The following TRIM28 variants were observed in gnomAD, a reference collection of about 807,000 sequenced individuals.
TRIM28 encodes transcription intermediary factor 1-beta.
Under a neutral mutation model 87.4 loss-of-function variants are expected in TRIM28, and 8 were observed. That is an observed-to-expected ratio of 0.09 (90% CI 0.05 to 0.17). The LOEUF is 0.17. Ranked by LOEUF, TRIM28 falls within the 10% of genes least tolerant of loss-of-function variation. The pLI, the probability that TRIM28 is intolerant of heterozygous loss-of-function variation, is 1.00. For synonymous variants in TRIM28, 601 were observed against 454.3 expected (o/e 1.32, Z -4.11); for missense variants, 968 against 1,131.8 (o/e 0.86, Z 2.08).
chr19:58,548,810 C>T, intron 10 of TRIM28, 34 bp downstream of exon 10: 7 of 1,613,992 alleles, frequency 4.3e-6, no homozygotes, highest in Non-Finnish European at 5.9e-6. Flanking sequence ...GGGGAAGGGC[C>T]CCAGTGCTGT....
At position 58,547,781 on chromosome 19, in the gene TRIM28, G is replaced by C; in HGVS notation, c.840-11G>C. The C allele has an allele frequency of 6.2e-7, 1 of 1,614,074 alleles. No individual in the cohort carries two copies. Among genetic ancestry groups the C allele is most frequent in the South Asian group, 1.1e-5 (1 of 91,088 alleles). ...AAGACCCTACCTAGCCTGACCTGCTGTGTCCCCTAGAATCCGCCAGGTGTC... is the reference window on the plus strand; with the variant it reads ...AAGACCCTACCTAGCCTGACCTGCTCTGTCCCCTAGAATCCGCCAGGTGTC... On this transcript the variant is annotated splice_polypyrimidine_tract_variant and intron_variant, in intron 5 of 16. Coordinates refer to ENST00000253024, the MANE Select transcript of TRIM28 (RefSeq NM_005762.3).
At position 58,544,971 on chromosome 19, in the gene TRIM28, C is replaced by A. The variant is rs1456074834; in HGVS notation, c.214C>A (p.Leu72Met). ...GCACTGCGGCGTGTGCAGAGAGCGC[C>A]TGCGACCCGAGAGGGAGCCCCGCCT... ...LEHCGVCRER[L>M]RPEREPRLLP... Residue 72 changes from leucine to methionine, a missense_variant, in exon 1 of 17, where the codon CTG becomes ATG. Leu to Met is a conservative substitution (Grantham distance 15). Around this residue, in one of 11 missense-constraint regions of TRIM28, gnomAD observed 208 missense variants for 170.9 expected, o/e 1.22. Coordinates refer to ENST00000253024, the MANE Select transcript of TRIM28 (RefSeq NM_005762.3). 1 of 1,513,964 alleles carries A rather than the reference C, an allele frequency of 6.6e-7. No individual in the cohort carries two copies. Among genetic ancestry groups the A allele is most frequent in the Non-Finnish European group, 8.8e-7 (1 of 1,140,484 alleles). The allele number at this position is 1,513,964 out of a possible 1,614,324, so 93.8% of individuals were successfully genotyped here.
chr19:58,548,948 A>C (rs2053787318), intron 11 of TRIM28, 38 bp downstream of exon 11: 2 of 1,613,822 alleles, frequency 1.2e-6, no homozygotes, highest in Admixed American at 1.7e-5. Flanking sequence ...AGGTGGATGG[A>C]GGGTGGGGGT....
Position 58,549,690 on chromosome 19 carries a change from G to A in TRIM28, c.1982+40G>A. 1 of 1,601,784 alleles carries A rather than the reference G, an allele frequency of 6.2e-7. No homozygotes were observed. Among genetic ancestry groups the A allele is most frequent in the Non-Finnish European group, 8.5e-7 (1 of 1,171,204 alleles). ...GGTGGGGGTCAAGTCTGGGTGTTGG[G>A]CTGTCTGGACAGGATCATGTGCAGA... On this transcript the variant is annotated intron_variant, in intron 13 of 16. Transcript: ENST00000253024. The surrounding 1 kb of genome is among the most constrained non-coding windows in gnomAD (Gnocchi z 4.4).
rs944619867 is a variant in TRIM28 at position 58,544,194 on chromosome 19, G to C, written c.-564G>C. The C allele has an allele frequency of 6.6e-6, 1 of 152,340 alleles. No individual in the cohort carries two copies. The highest frequency in any genetic ancestry group is 1.5e-5 in the Non-Finnish European group (1 of 68,092). The allele number at this position is 152,340 out of a possible 1,614,324, so 9.4% of individuals were successfully genotyped here. The stretch of plus-strand genomic sequence containing the variant: ...TGGTCTGGAGGTGGAGCTGAGAGGG[G>C]AATCACACTCTATAAAGGTTCGCAT... On this transcript the variant is annotated 5_prime_UTR_variant, in exon 1 of 17. Transcript: ENST00000253024.
rs1262849994 is a variant in TRIM28, at chr19:58,550,115, T to C, written c.2194-32T>C. On this transcript the variant is annotated intron_variant, in intron 15 of 16. Coordinates refer to ENST00000253024, the MANE Select transcript of TRIM28 (RefSeq NM_005762.3). ...CAACCTGTGCATGTATATGTGTGTC[T>C]TTGTGTGTGTATGTGTGATCTCTGC... is the stretch of plus-strand genomic sequence containing the variant. The C allele has an allele frequency of 6.2e-6, 10 of 1,613,590 alleles. No homozygotes were observed. In the East Asian group the frequency reaches 2.0e-4, roughly 32 times the overall value.
Position 58,547,449 on chromosome 19 carries a change from T to C in TRIM28, c.660T>C (p.Phe220=). The part of the protein sequence containing the change: ...NVHKHEPLVL[F]CESCDTLTCR... ...ACAAGCATGAACCCCTTGTGCTGTTTTGTGAGAGCTGTGATACTCTCACCT... is the reference window on the plus strand; with the variant it reads ...ACAAGCATGAACCCCTTGTGCTGTTCTGTGAGAGCTGTGATACTCTCACCT... Residue 220 remains phenylalanine (F), a synonymous_variant, in exon 4 of 17, where the codon TTT becomes TTC. Transcript: ENST00000253024. 1 of 1,614,052 alleles carries C rather than the reference T, an allele frequency of 6.2e-7. No homozygotes were observed. The highest frequency in any genetic ancestry group is 8.5e-7 in the Non-Finnish European group (1 of 1,180,012).
rs200146188 is a variant in TRIM28 at position 58,549,273 on chromosome 19, A to G, written c.1662+33A>G. 2.1e-5 allele frequency: 34 copies of G among 1,602,220 alleles called. No individual in the cohort carries two copies. The East Asian group carries it at 6.0e-4, about 28-fold the overall frequency. On this transcript the variant is annotated intron_variant, in intron 12 of 16. Coordinates refer to ENST00000253024, the MANE Select transcript of TRIM28 (RefSeq NM_005762.3). This position sits in a 1 kb window ranked among gnomAD's most constrained non-coding sequence, Gnocchi z 4.4. ...TGTCCCAAGGAACTATAGCTGTAGGATGAAGCCTGTAGTCCAGGTCTGGAC... is the reference window on the plus strand; with the variant it reads ...TGTCCCAAGGAACTATAGCTGTAGGGTGAAGCCTGTAGTCCAGGTCTGGAC...
Position 58,544,702 on chromosome 19 carries a change from T to C in TRIM28, c.-56T>C. ...AGTTGGCGGCGAGCGCGTCTGCGCC[T>C]GCGCGGCGGGCCCCGCGCCCCTCCT... On this transcript the variant is annotated 5_prime_UTR_variant, in exon 1 of 17. Coordinates refer to ENST00000253024, the MANE Select transcript of TRIM28 (RefSeq NM_005762.3). 6 of 820,478 alleles carry C rather than the reference T, an allele frequency of 7.3e-6. No individual in the cohort carries two copies. Among genetic ancestry groups the C allele is most frequent in the Non-Finnish European group, 8.9e-6 (6 of 677,940 alleles). 50.8% of individuals were successfully genotyped at this position (820,478 alleles called of 1,614,324 possible).
rs2053773419 is a variant in TRIM28 at position 58,547,677 on chromosome 19, C to T, written c.803C>T (p.Ala268Val). 1 of 1,614,004 alleles carries T rather than the reference C, an allele frequency of 6.2e-7. No homozygotes were observed. Among genetic ancestry groups the T allele is most frequent in the Non-Finnish European group, 8.5e-7 (1 of 1,180,040 alleles). Residue 268 changes from alanine to valine, a missense_variant, in exon 5 of 17, where the codon GCA (alanine) becomes GTA (valine). By Grantham distance (64) the Ala-to-Val change is moderately conservative (BLOSUM62 0). This residue lies in a region of TRIM28 where 103 missense variants were observed against 139.0 expected (regional missense o/e 0.74). Coordinates refer to ENST00000253024, the MANE Select transcript of TRIM28 (RefSeq NM_005762.3). ...SLVKRLGDKH[A>V]TLQKSTKEVR... is the part of the protein sequence containing the mutation. Reference sequence around the variant, plus strand: ...GTGAAGCGCCTTGGGGACAAACATGCAACATTGCAGAAGAGCACCAAGGAG... The same window carrying T: ...GTGAAGCGCCTTGGGGACAAACATGTAACATTGCAGAAGAGCACCAAGGAG...
chr19:58,547,813 A>G lies in TRIM28; in HGVS notation c.861A>G (p.Val287=). The G allele has an allele frequency of 6.2e-7, 1 of 1,614,128 alleles. No homozygotes were observed. The highest frequency in any genetic ancestry group is 8.5e-7 in the Non-Finnish European group (1 of 1,180,034). ...CTAGAATCCGCCAGGTGTCTGACGT[A>G]CAGAAGCGTGTGCAAGTGGATGTCA... ...VRSSIRQVSD[V]QKRVQVDVKM... The change falls in exon 6 of 17, where the codon GTA becomes GTG. Residue 287 remains valine, a synonymous_variant. Transcript: ENST00000253024.
At position 58,544,194 on chromosome 19, in the gene TRIM28, G is replaced by A. The variant is rs944619867; in HGVS notation, c.-564G>A. ...TGGTCTGGAGGTGGAGCTGAGAGGG[G>A]AATCACACTCTATAAAGGTTCGCAT... is the stretch of plus-strand genomic sequence containing the variant. On this transcript the variant is annotated 5_prime_UTR_variant, in exon 1 of 17. Transcript: ENST00000253024. The A allele has an allele frequency of 2.0e-5, 3 of 152,340 alleles. No homozygotes were observed. The highest frequency in any genetic ancestry group is 4.8e-5 in the African/African-American group (2 of 41,478). 9.4% of individuals were successfully genotyped at this position (152,340 alleles called of 1,614,324 possible).
rs201174487 is a variant in TRIM28, at chr19:58,549,245, G to T, written c.1662+5G>T. On this transcript the variant is annotated splice_donor_5th_base_variant and intron_variant, in intron 12 of 16. Coordinates refer to ENST00000253024, the MANE Select transcript of TRIM28 (RefSeq NM_005762.3). The surrounding 1 kb of genome is among the most constrained non-coding windows in gnomAD (Gnocchi z 4.4). ...GCTGGCATGGCCATTGTCAAGGTAA[G>T]CCTGTCCCAAGGAACTATAGCTGTA... 9 of 1,612,332 alleles carry T rather than the reference G, an allele frequency of 5.6e-6. No homozygotes were observed. Among genetic ancestry groups the T allele is most frequent in the South Asian group, 2.2e-5 (2 of 90,990 alleles).
chr19:58,544,669 G>A lies in TRIM28; in HGVS notation c.-89G>A, dbSNP rs2053743032. 1.2e-5 allele frequency: 6 copies of A among 510,096 alleles called. No homozygotes were observed. Among genetic ancestry groups the A allele is most frequent in the Non-Finnish European group, 1.5e-5 (6 of 397,444 alleles). 31.6% of individuals were successfully genotyped at this position (510,096 alleles called of 1,614,324 possible). A position where few individuals can be genotyped will look rare whatever the true frequency, so the allele number is the denominator to read the frequency against. On this transcript the variant is annotated 5_prime_UTR_variant, in exon 1 of 17. Coordinates refer to ENST00000253024, the MANE Select transcript of TRIM28 (RefSeq NM_005762.3). ...GCCTCGCGGCGGCGGCGGCGGCAGC[G>A]GCCCAGCAGTTGGCGGCGAGCGCGT...
chr19:58,547,747 C>T (rs1307179567), intron 5 of TRIM28, 34 bp downstream of exon 5: 3 of 1,613,886 alleles, frequency 1.9e-6, no homozygotes. Context: ...GGGGGTGGCC[C>T]AGGGCAGCAA....
At chr19:58,547,257 C>G in intron 3 of TRIM28, 119 bp from the exon 4 acceptor site, 4 of 1,348,064 alleles carry the variant, frequency 3.0e-6, no homozygotes, top group Non-Finnish European at 4.1e-6. Context: ...CCCTCTACAT[C>G]TTCCCAATAA....
Position 58,550,612 on chromosome 19 carries a change from C to T in TRIM28, c.*59C>T. The T allele has an allele frequency of 6.5e-7, 1 of 1,540,854 alleles. No homozygotes were observed. Among genetic ancestry groups the T allele is most frequent in the Non-Finnish European group, 8.8e-7 (1 of 1,141,210 alleles). On this transcript the variant is annotated 3_prime_UTR_variant, in exon 17 of 17. Transcript: ENST00000253024. Reference sequence around the variant, plus strand: ...CTGTTCTCTGTCCTGTCACCCCATCCCCACTCCCCTGGTGGCCTGACTCCC... The same window carrying T: ...CTGTTCTCTGTCCTGTCACCCCATCTCCACTCCCCTGGTGGCCTGACTCCC...
chr19:58,548,308 G>A lies in TRIM28; in HGVS notation c.1116G>A (p.Leu372=), dbSNP rs555979460. 1.2e-6 allele frequency: 2 copies of A among 1,614,108 alleles called. No individual in the cohort carries two copies. Among genetic ancestry groups the A allele is most frequent in the South Asian group, 2.2e-5 (2 of 91,084 alleles). Residue 372 remains leucine (L), a synonymous_variant, in exon 8 of 17, where the codon CTG becomes CTA. Coordinates refer to ENST00000253024, the MANE Select transcript of TRIM28 (RefSeq NM_005762.3). Reference sequence around the variant, plus strand: ...CTCCCAACCAGATCTACTTCCAGCTGCACCGGGCCCTCAAGATGATTGTGG... The same window carrying A: ...CTCCCAACCAGATCTACTTCCAGCTACACCGGGCCCTCAAGATGATTGTGG... ...LLSKKLIYFQ[L]HRALKMIVDP... is the part of the protein sequence containing the mutation.
chr19:58,548,392 G>T lies in TRIM28; in HGVS notation c.1200G>T (p.Lys400Asn), dbSNP rs754896645. ...KFQWDLNAWTKSAEAFGKIVA... is the reference protein window; with the variant it reads ...KFQWDLNAWTNSAEAFGKIVA... ...AGTGGGACCTCAATGCCTGGACCAA[G>T]AGTGCCGAGGCCTTTGGTGGGTCCC... Residue 400 changes from lysine (K) to asparagine (N), a missense_variant, in exon 8 of 17, where the codon AAG becomes AAT. Transcript: ENST00000253024. 3.1e-6 allele frequency: 5 copies of T among 1,614,152 alleles called. No individual in the cohort carries two copies. The highest frequency in any genetic ancestry group is 4.2e-6 in the Non-Finnish European group (5 of 1,180,026).
Sources: gnomAD v4.1 joint callset for allele counts on GRCh38, gnomAD v4.1.1 for gene constraint, gnomAD v4.1.1 regional missense constraint, Gnocchi (gnomAD v3.1) non-coding constraint, MANE v1.5 for transcripts, NCBI Gene and HGNC (gene_info 2026-07-23, HGNC 2026-07-21) for gene names.